The following DCTN5 variants were observed in gnomAD, a reference collection of about 807,000 sequenced individuals.
DCTN5 encodes dynactin 4.
In DCTN5, 14 loss-of-function variants were observed where a neutral mutation model predicts 23.5. The observed-to-expected ratio is 0.60, with a 90% CI of 0.39 to 0.93. The LOEUF (loss-of-function observed/expected upper bound fraction) is 0.93. Ranked by LOEUF, DCTN5 falls within the 40% of genes least tolerant of loss-of-function variation. DCTN5 has a pLI of 0.00. For missense variants in DCTN5, 156 were observed against 225.9 expected (o/e 0.69, Z 1.98); for synonymous variants, 67 against 79.6 (o/e 0.84, Z 0.84).
At position 23,661,347 on chromosome 16, in the gene DCTN5, G is replaced by T. The variant is rs1967807539; in HGVS notation, c.348+66G>T. 4 of 1,135,320 alleles carry T rather than the reference G, an allele frequency of 3.5e-6. No individual in the cohort carries two copies. In the Admixed American group the frequency reaches 7.2e-5, roughly 20 times the overall value. 70.3% of individuals were successfully genotyped at this position (1,135,320 alleles called of 1,614,324 possible). ...CCTTCAGCTCCCATCCCTCACTTCG[G>T]TGGGACCCTGTTTCTGTGACTAAGC... On this transcript the variant is annotated intron_variant, in intron 4 of 5. Transcript: ENST00000300087.
chr16:23,652,641 C>A (rs963917871), intron 2 of DCTN5, among the ~76,000 whole-genome samples: 16 of 152,248 alleles, frequency 1.1e-4, no homozygotes, highest in Admixed American at 2.0e-4. Flanking sequence ...TTTCCTTGTG[C>A]CCCTTTGCAG....
intron 2 of DCTN5, among the ~76,000 whole-genome samples, chr16:23,646,527 G>A (rs542875581): frequency 6.6e-5 from 10 of 151,950 alleles, no homozygotes; most frequent in South Asian, 2.1e-4. Context: ...TTCTAAGAGC[G>A]TTAATGGTCT....
At position 23,647,834 on chromosome 16, in the gene DCTN5, T is replaced by G. The variant is rs370630938; in HGVS notation, c.117+4811T>G. 4.6e-5 allele frequency among the ~76,000 whole-genome samples: 7 copies of G among 152,238 alleles called. No homozygotes were observed. In the East Asian group the frequency reaches 9.6e-4, roughly 21 times the overall value. Reference sequence around the variant, plus strand: ...CCTTTTGCTTTTTAAAGATGTTTAATTTGGCAATATTTTGGGTATACAAAA... The same window carrying G: ...CCTTTTGCTTTTTAAAGATGTTTAAGTTGGCAATATTTTGGGTATACAAAA... On this transcript the variant is annotated intron_variant, in intron 2 of 5. Coordinates refer to ENST00000300087, the MANE Select transcript of DCTN5 (RefSeq NM_032486.4).
chr16:23,654,834 G>A (rs1312797501), intron 2 of DCTN5, among the ~76,000 whole-genome samples: 2 of 152,238 alleles, frequency 1.3e-5, no homozygotes, highest in East Asian at 3.9e-4. Flanking sequence ...GCCCACATAT[G>A]AGTGAGAACG....
At chr16:23,643,603 G>A (rs1475904854) in intron 2 of DCTN5, among the ~76,000 whole-genome samples, 1 of 152,076 alleles carries the variant, frequency 6.6e-6, no homozygotes, top group African/African-American at 2.4e-5. Flanking sequence ...ATTATTTTAT[G>A]ATATAGTGTG....
chr16:23,677,266 GT>G lies in DCTN5; in HGVS notation c.*10123del, dbSNP rs1330290770. Reference sequence around the variant, plus strand: ...TAGTACATCATCAGACTAGGAGGTGGTGGTGTTGGCACCCCCCAGCACAGGG... The same window carrying G: ...TAGTACATCATCAGACTAGGAGGTGGGGTGTTGGCACCCCCCAGCACAGGG... On this transcript the variant is annotated 3_prime_UTR_variant, in exon 6 of 6. Coordinates refer to ENST00000300087, the MANE Select transcript of DCTN5 (RefSeq NM_032486.4). 1.3e-5 allele frequency: 2 copies of G among 152,206 alleles called. No individual in the cohort carries two copies. The highest frequency in any genetic ancestry group is 2.9e-5 in the Non-Finnish European group (2 of 68,044). The allele number at this position is 152,206 out of a possible 1,614,324, so 9.4% of individuals were successfully genotyped here. A position where few individuals can be genotyped will look rare whatever the true frequency, so the allele number is the denominator to read the frequency against.
At chr16:23,657,881 C>A (rs1050061005) in intron 2 of DCTN5, among the ~76,000 whole-genome samples, 1 of 152,222 alleles carries the variant, frequency 6.6e-6, no homozygotes, top group Non-Finnish European at 1.5e-5. Flanking sequence ...AGTTACAACT[C>A]CAGCATATGC....
intron 4 of DCTN5, among the ~76,000 whole-genome samples, chr16:23,663,603 C>A (rs1301329893): frequency 6.6e-6 from 1 of 151,676 alleles, no homozygotes; most frequent in East Asian, 1.9e-4. Context: ...GTAATCCCAG[C>A]TACTTGGGAG....
rs1312180274 is a variant in DCTN5, at chr16:23,666,954, A to T, written c.452-93A>T. The T allele has an allele frequency of 2.6e-6, 4 of 1,553,106 alleles. No homozygotes were observed. The South Asian group carries it at 4.6e-5, about 18-fold the overall frequency. On this transcript the variant is annotated intron_variant, in intron 5 of 5. Coordinates refer to ENST00000300087, the MANE Select transcript of DCTN5 (RefSeq NM_032486.4). ...TTATTTAAGTGATTGTCAGACATGC[A>T]TCTGATTGAGGTGAGAAGGATATTG...
intron 2 of DCTN5, among the ~76,000 whole-genome samples, chr16:23,653,641 G>T (rs1341223707): frequency 6.6e-6 from 1 of 152,172 alleles, no homozygotes; most frequent in Non-Finnish European, 1.5e-5. Flanking sequence ...CATAGGTACA[G>T]GCAAAGATTT....
intron 2 of DCTN5, chr16:23,650,607 G>A (rs1415914847): frequency 5.9e-6 from 4 of 677,672 alleles, no homozygotes; most frequent in Non-Finnish European, 9.7e-6. Flanking sequence ...TTACAGGCAT[G>A]AGCCACTGCA....
intron 3 of DCTN5, 129 bp from the exon 4 acceptor site, chr16:23,661,041 G>C: frequency 2.0e-6 from 1 of 496,954 alleles, no homozygotes; most frequent in Non-Finnish European, 3.5e-6. Context: ...CTAGCCTGAG[G>C]TTTCTTTCCT....
intron 2 of DCTN5, among the ~76,000 whole-genome samples, chr16:23,643,733 C>G (rs8049250): frequency 0.045 from 6,865 of 152,002 alleles, 298 homozygotes; most frequent in African/African-American, 0.098. Flanking sequence ...AACTGAAACT[C>G]TTAAAACGAA....
At chr16:23,651,248 G>A (rs1967599581) in intron 2 of DCTN5, 1 of 980,306 alleles carries the variant, frequency 1.0e-6, no homozygotes. Flanking sequence ...GTGAAGGGCA[G>A]CCACCTCCTT....
At chr16:23,656,513 C>T (rs1212119837) in intron 2 of DCTN5, among the ~76,000 whole-genome samples, 1 of 152,070 alleles carries the variant, frequency 6.6e-6, no homozygotes, top group Non-Finnish European at 1.5e-5. Context: ...GGGTCACTAT[C>T]CAGTTGAATT....
chr16:23,651,073 C>T (rs1044288860), intron 2 of DCTN5: 7 of 1,368,750 alleles, frequency 5.1e-6, no homozygotes, highest in Non-Finnish European at 5.7e-6. Context: ...TAAAATGCCA[C>T]GTGTCCTTCC....
At chr16:23,663,049 C>A (rs1318467028) in intron 4 of DCTN5, among the ~76,000 whole-genome samples, 1 of 152,228 alleles carries the variant, frequency 6.6e-6, no homozygotes, top group East Asian at 1.9e-4. Flanking sequence ...AGAATCTCAG[C>A]ACTGGAAGTA....
At chr16:23,663,753 C>T (rs1425101157) in intron 4 of DCTN5, among the ~76,000 whole-genome samples, 2 of 152,128 alleles carry the variant, frequency 1.3e-5, no homozygotes, top group Non-Finnish European at 2.9e-5. Context: ...GCTTTTACCT[C>T]CTCAGCTATT....
intron 4 of DCTN5, among the ~76,000 whole-genome samples, chr16:23,665,015 G>A (rs946666805): frequency 3.9e-5 from 6 of 152,178 alleles, no homozygotes; most frequent in Admixed American, 1.3e-4. Context: ...TCCTCTGGGA[G>A]GTTCACTCCC....
Sources: gnomAD v4.1 joint callset for allele counts (sites outside exome capture counted in the v4.1 genomes callset) on GRCh38, gnomAD v4.1.1 for gene constraint, MANE v1.5 for transcripts, NCBI Gene and HGNC (gene_info 2026-07-23, HGNC 2026-07-21) for gene names.